The following ARHGAP15 variants were observed in gnomAD, a reference collection of about 807,000 sequenced individuals.
ARHGAP15 encodes rho GTPase-activating protein 15.
ARHGAP15 carries 51 observed loss-of-function variants against 63.7 expected under a neutral mutation model. That is an observed-to-expected ratio of 0.80 (90% CI 0.64 to 1.01). The LOEUF (loss-of-function observed/expected upper bound fraction) is 1.01. ARHGAP15 is among the 50% of genes least tolerant of loss of function. The pLI, the probability that ARHGAP15 is intolerant of heterozygous loss-of-function variation, is 0.00. For synonymous variants in ARHGAP15, 191 were observed against 193.8 expected (o/e 0.99, Z 0.12); for missense variants, 560 against 564.6 (o/e 0.99, Z 0.08).
At chr2:143,322,326 A>G (rs1684060631) in intron 6 of ARHGAP15, among the ~76,000 whole-genome samples, 1 of 152,180 alleles carries the variant, frequency 6.6e-6, no homozygotes, top group Non-Finnish European at 1.5e-5. Flanking sequence ...AGCATAAATA[A>G]GCTAATACAT....
chr2:143,214,823 T>A (rs1405448137), intron 3 of ARHGAP15, among the ~76,000 whole-genome samples: 1 of 152,220 alleles, frequency 6.6e-6, no homozygotes, highest in Non-Finnish European at 1.5e-5. Context: ...CTCACCTATA[T>A]CAGAGCAGAC....
intron 6 of ARHGAP15, among the ~76,000 whole-genome samples, chr2:143,272,992 C>CT (rs1681368489): frequency 1.3e-5 from 2 of 152,122 alleles, no homozygotes; most frequent in African/African-American, 4.8e-5. Flanking sequence ...TCAATATAGA[C>CT]TATTTTTATT....
chr2:143,324,735 C>G (rs1209491821), intron 6 of ARHGAP15, among the ~76,000 whole-genome samples: 3 of 152,022 alleles, frequency 2.0e-5, no homozygotes, highest in Non-Finnish European at 4.4e-5. Context: ...GATTTTCATT[C>G]ATCCATATGA....
At chr2:143,388,906 A>G (rs2104961730) in intron 6 of ARHGAP15, among the ~76,000 whole-genome samples, 1 of 152,090 alleles carries the variant, frequency 6.6e-6, no homozygotes. Flanking sequence ...GAATACTTTC[A>G]AGTCTCCAGT....
At chr2:143,617,562 C>A (rs928219362) in intron 11 of ARHGAP15, among the ~76,000 whole-genome samples, 1 of 152,132 alleles carries the variant, frequency 6.6e-6, no homozygotes, top group Non-Finnish European at 1.5e-5. Flanking sequence ...TGGATGGGGA[C>A]CCACATGACC....
intron 12 of ARHGAP15, among the ~76,000 whole-genome samples, chr2:143,661,501 G>C (rs1433303183): frequency 6.6e-6 from 1 of 152,170 alleles, no homozygotes; most frequent in Non-Finnish European, 1.5e-5. Context: ...TCTTCTTAAG[G>C]AGTATGTGTT....
chr2:143,766,783 G>C (rs1053595181), intron 13 of ARHGAP15: 1 of 152,134 alleles, frequency 6.6e-6, no homozygotes, highest in Non-Finnish European at 1.5e-5. Context: ...AATCTGGTTC[G>C]GTACTATCCA....
chr2:143,492,405 C>T (rs1408921117), intron 9 of ARHGAP15, among the ~76,000 whole-genome samples: 1 of 152,140 alleles, frequency 6.6e-6, no homozygotes, highest in Non-Finnish European at 1.5e-5. Flanking sequence ...GTCATACAAA[C>T]TTATTTTACT....
chr2:143,482,881 A>G (rs985502062), intron 8 of ARHGAP15, among the ~76,000 whole-genome samples: 2 of 152,220 alleles, frequency 1.3e-5, no homozygotes, highest in African/African-American at 4.8e-5. Flanking sequence ...AACTCTTCTT[A>G]GAACAAAATG....
chr2:143,748,779 G>A (rs544924799), intron 13 of ARHGAP15, among the ~76,000 whole-genome samples: 1 of 152,280 alleles, frequency 6.6e-6, no homozygotes, highest in South Asian at 2.1e-4. Flanking sequence ...AAACTGACAG[G>A]AGGCCCAAAT....
At chr2:143,578,564 A>T (rs1036669672) in intron 11 of ARHGAP15, among the ~76,000 whole-genome samples, 7 of 152,246 alleles carry the variant, frequency 4.6e-5, no homozygotes, top group Admixed American at 2.6e-4. Context: ...ATACATTTTT[A>T]AAAAAGGTGG....
intron 13 of ARHGAP15, among the ~76,000 whole-genome samples, chr2:143,722,443 A>G (rs996296282): frequency 6.6e-6 from 1 of 152,098 alleles, no homozygotes. Flanking sequence ...GGCAAAGTAC[A>G]TATACAAGCA....
intron 9 of ARHGAP15, among the ~76,000 whole-genome samples, chr2:143,514,249 CTTTGCATTA>C (rs375346266): frequency 2.0e-3 from 301 of 152,262 alleles, no homozygotes; most frequent in African/African-American, 7.1e-3. Flanking sequence ...ATAAAGCAAT[CTTTGCATTA>C]TTTACAATAT....
In ARHGAP15 at chr2:143,471,424, G is replaced by A. The variant is rs951566034; in HGVS notation, c.704-15949G>A. On this transcript the variant is annotated intron_variant, in intron 8 of 13. Transcript: ENST00000295095. ...AAAAAATTGGCAAAAATCCTGCTCT[G>A]GGAAAGCCTCTCTAATGGGAGAGAA... Among the ~76,000 whole-genome samples the A allele has an allele frequency of 4.6e-5, 7 of 151,758 alleles. No individual in the cohort carries two copies. In the South Asian group the frequency reaches 1.5e-3, roughly 32 times the overall value.
chr2:143,266,262 TG>T (rs1680990348), intron 6 of ARHGAP15, among the ~76,000 whole-genome samples: 1 of 152,184 alleles, frequency 6.6e-6, no homozygotes, highest in Non-Finnish European at 1.5e-5. Flanking sequence ...TTGATAATAC[TG>T]TCAATTTATC....
chr2:143,492,322 T>G (rs1692617723), intron 9 of ARHGAP15, among the ~76,000 whole-genome samples: 1 of 152,152 alleles, frequency 6.6e-6, no homozygotes, highest in Admixed American at 6.5e-5. Flanking sequence ...GCGCTAAGCC[T>G]CCATTGGTAA....
chr2:143,468,758 C>T (rs1691371003), intron 8 of ARHGAP15, among the ~76,000 whole-genome samples: 1 of 151,556 alleles, frequency 6.6e-6, no homozygotes, highest in Admixed American at 6.6e-5. Context: ...GAATTGATTT[C>T]ATACTGGGAA....
chr2:143,294,179 A>T (rs919995461), intron 6 of ARHGAP15, among the ~76,000 whole-genome samples: 12 of 152,034 alleles, frequency 7.9e-5, no homozygotes, highest in Non-Finnish European at 1.5e-4. Context: ...ACAGCACTTA[A>T]ATTTATGAAT....
chr2:143,602,045 G>A (rs770889857), intron 11 of ARHGAP15, among the ~76,000 whole-genome samples: 1 of 152,066 alleles, frequency 6.6e-6, no homozygotes, highest in African/African-American at 2.4e-5. Context: ...GTCAGCAAAA[G>A]TATGTTATTA....
Sources: gnomAD v4.1 joint callset for allele counts (sites outside exome capture counted in the v4.1 genomes callset) on GRCh38, gnomAD v4.1.1 for gene constraint, MANE v1.5 for transcripts, NCBI Gene and HGNC (gene_info 2026-07-23, HGNC 2026-07-21) for gene names.